PRKG1: variants seen among roughly 807,000 people sequenced by gnomAD.
PRKG1 encodes the protein protein kinase cGMP-dependent 1.
A neutral mutation model predicts 88.1 loss-of-function variants in PRKG1; 35 were observed. The observed-to-expected ratio is 0.40, with a 90% CI of 0.30 to 0.53. The LOEUF (loss-of-function observed/expected upper bound fraction) is 0.53. Among genes scored for constraint, PRKG1 ranks in the 20% least tolerant of loss-of-function variants. The pLI is 0.59. For missense variants in PRKG1, 540 were observed against 839.8 expected, an observed-to-expected ratio of 0.64 and a Z score of 4.41; for synonymous variants, 303 against 292.5, an observed-to-expected ratio of 1.04 and a Z score of -0.37.
chr10:51,479,057 T>A (rs1286453044), intron 3 of PRKG1, among the ~76,000 whole-genome samples: 1 of 151,946 alleles, frequency 6.6e-6, no homozygotes, highest in Non-Finnish European at 1.5e-5. Context: ...GAGAAAATAC[T>A]AAATGAAAGA....
chr10:52,120,740 G>A (rs1024642755), intron 7 of PRKG1, among the ~76,000 whole-genome samples: 2 of 152,126 alleles, frequency 1.3e-5, no homozygotes, highest in African/African-American at 4.8e-5. Context: ...CTGTGTCTTT[G>A]CTGGCTTTAG....
intron 7 of PRKG1, among the ~76,000 whole-genome samples, chr10:52,117,106 A>C (rs1292636107): frequency 6.6e-6 from 1 of 151,778 alleles, no homozygotes; most frequent in African/African-American, 2.4e-5. Flanking sequence ...AGAGAATCTC[A>C]AAGTAAGATT....
chr10:51,124,031 G>T (rs1235800231), intron 1 of PRKG1, among the ~76,000 whole-genome samples: 1 of 151,990 alleles, frequency 6.6e-6, no homozygotes, highest in African/African-American at 2.4e-5. Flanking sequence ...CTCCTTTCGG[G>T]CCCCACCTCC....
chr10:51,152,985 T>G (rs1171731591), intron 1 of PRKG1, among the ~76,000 whole-genome samples, 179 bp from the exon 2 acceptor site: 1 of 148,042 alleles, frequency 6.8e-6, no homozygotes, highest in Admixed American at 6.7e-5. Context: ...CCTTTTTTTT[T>G]TTTTTTTTGT....
intron 3 of PRKG1, among the ~76,000 whole-genome samples, chr10:51,723,829 A>G (rs1842069803): frequency 1.3e-5 from 2 of 152,202 alleles, no homozygotes; most frequent in Admixed American, 1.3e-4. Context: ...TGTTTGCAGA[A>G]TAGTTGCATC....
At chr10:52,184,365 C>A (rs959262868) in intron 9 of PRKG1, among the ~76,000 whole-genome samples, 1 of 152,120 alleles carries the variant, frequency 6.6e-6, no homozygotes, top group African/African-American at 2.4e-5. Context: ...AATTAAAACA[C>A]TCTCATCCAT....
At chr10:51,784,392 G>A (rs767455660) in intron 3 of PRKG1, among the ~76,000 whole-genome samples, 1 of 152,054 alleles carries the variant, frequency 6.6e-6, no homozygotes, top group African/African-American at 2.4e-5. Flanking sequence ...GCATCAGCTC[G>A]TGTGTGTTCT....
intron 3 of PRKG1, among the ~76,000 whole-genome samples, chr10:51,670,693 G>GC (rs1840541739): frequency 1.4e-5 from 2 of 146,896 alleles, no homozygotes; most frequent in South Asian, 4.2e-4. Context: ...CCGAGATCCC[G>GC]CCACTGCACT....
chr10:51,857,080 TACTC>T (rs1215089269), intron 4 of PRKG1, among the ~76,000 whole-genome samples: 3 of 152,110 alleles, frequency 2.0e-5, no homozygotes, highest in African/African-American at 4.8e-5. Context: ...CTGATGGTCA[TACTC>T]ACAATTATGA....
chr10:51,749,217 A>C (rs1662302527), intron 3 of PRKG1, among the ~76,000 whole-genome samples: 1 of 152,222 alleles, frequency 6.6e-6, no homozygotes, highest in Admixed American at 6.5e-5. Flanking sequence ...AAAATGCTTA[A>C]GTTTTTTTTT....
intron 3 of PRKG1, among the ~76,000 whole-genome samples, chr10:51,675,186 T>C (rs1840679306): frequency 6.6e-6 from 1 of 152,192 alleles, no homozygotes; most frequent in Non-Finnish European, 1.5e-5. Context: ...ATATGAAATA[T>C]AACACTGACC....
chr10:51,178,979 TC>T (rs1390342856), intron 2 of PRKG1, among the ~76,000 whole-genome samples: 2 of 152,222 alleles, frequency 1.3e-5, no homozygotes, highest in Non-Finnish European at 2.9e-5. Flanking sequence ...ACTGATGCTC[TC>T]CATTTTTATA....
intron 2 of PRKG1, among the ~76,000 whole-genome samples, chr10:51,395,945 T>C (rs1318423112): frequency 2.6e-5 from 4 of 152,226 alleles, no homozygotes; most frequent in Non-Finnish European, 5.9e-5. Context: ...CAAAGTAGGA[T>C]AATTCCAGGT....
intron 3 of PRKG1, among the ~76,000 whole-genome samples, chr10:51,501,652 T>G (rs772332901): frequency 9.9e-5 from 15 of 152,180 alleles, no homozygotes; most frequent in African/African-American, 2.4e-5. Context: ...GCTTACATAG[T>G]ATTTGTTATT....
intron 1 of PRKG1, among the ~76,000 whole-genome samples, chr10:50,992,703 G>A (rs1842794633): frequency 6.6e-6 from 1 of 152,076 alleles, no homozygotes; most frequent in South Asian, 2.1e-4. Flanking sequence ...GGAAGCTTTT[G>A]CACTCCACTC....
At chr10:51,717,247 C>A (rs770685716) in intron 3 of PRKG1, among the ~76,000 whole-genome samples, 13 of 152,186 alleles carry the variant, frequency 8.5e-5, no homozygotes, top group Admixed American at 2.6e-4. Flanking sequence ...TTCTCTCCAC[C>A]TTTTTTGTCT....
chr10:52,208,112 T>C (rs1839868376), intron 9 of PRKG1, among the ~76,000 whole-genome samples: 1 of 152,160 alleles, frequency 6.6e-6, no homozygotes, highest in Admixed American at 6.5e-5. Flanking sequence ...AAGCAATCTG[T>C]CTCCAGAATT....
intron 7 of PRKG1, among the ~76,000 whole-genome samples, chr10:52,096,379 C>A (rs1847173251): frequency 6.6e-6 from 1 of 152,108 alleles, no homozygotes; most frequent in Non-Finnish European, 1.5e-5. Context: ...AGGGAACATA[C>A]CCTCCCATTT....
rs556205618 is a variant in PRKG1, at chr10:51,392,626, C to T, written c.479-75097C>T. Among the ~76,000 whole-genome samples, 663 of 151,568 alleles carry T rather than the reference C, an allele frequency of 4.4e-3. 4 individuals carry two copies. The highest frequency in any genetic ancestry group is 0.015 in the African/African-American group (622 of 41,370). ...CAAAACCGCCATTGTCATCATGGCG[C>T]GTTCTCAATGAGCTGTTGGGTACAC... On this transcript the variant is annotated intron_variant, in intron 2 of 17. Coordinates refer to ENST00000373980, the MANE Select transcript of PRKG1 (RefSeq NM_006258.4).
Sources: allele counts gnomAD v4.1 joint callset (sites outside exome capture counted in the v4.1 genomes callset), GRCh38; gene constraint gnomAD v4.1.1; transcripts MANE v1.5; gene names NCBI Gene and HGNC (gene_info 2026-07-23, HGNC 2026-07-21).